TRABD2A: variants seen among roughly 807,000 people sequenced by gnomAD.
The protein encoded by TRABD2A is metalloprotease TIKI1.
In TRABD2A, 43 loss-of-function variants were observed where a neutral mutation model predicts 45.6. That is an observed-to-expected ratio of 0.94 (90% CI 0.74 to 1.22). The LOEUF (loss-of-function observed/expected upper bound fraction) is 1.22, where lower values mean the gene tolerates loss of function less well. Ranked by LOEUF, TRABD2A falls within the 50% of genes most tolerant of loss-of-function variation. TRABD2A has a pLI of 0.00. For synonymous variants in TRABD2A, 269 were observed against 265.0 expected, an observed-to-expected ratio of 1.02 and a Z score of -0.15; for missense variants, 642 against 652.4, an observed-to-expected ratio of 0.98 and a Z score of 0.17.
At chr2:84,841,752 G>T in intron 3 of TRABD2A, 109 bp downstream of exon 3, 1 of 1,189,550 alleles carries the variant, frequency 8.4e-7, no homozygotes, top group Non-Finnish European at 1.1e-6. Flanking sequence ...TATTTCTAGA[G>T]CCCTCATGAC....
intron 2 of TRABD2A, among the ~76,000 whole-genome samples, chr2:84,863,605 T>G (rs1184484169): frequency 1.0e-5 from 1 of 98,964 alleles, no homozygotes; most frequent in South Asian, 3.3e-4. Context: ...TTCTTTTTTT[T>G]TTTTTTTTTT....
intron 1 of TRABD2A, among the ~76,000 whole-genome samples, chr2:84,875,312 C>G (rs2105413947): frequency 6.6e-6 from 1 of 152,322 alleles, no homozygotes; most frequent in Non-Finnish European, 1.5e-5. Context: ...AGAGCATTCC[C>G]TCCAGGAGGC....
At chr2:84,834,126 G>A (rs1464560869) in intron 4 of TRABD2A, 5 of 152,220 alleles carry the variant, frequency 3.3e-5, no homozygotes, top group Non-Finnish European at 7.3e-5. Flanking sequence ...GTGGTGCATT[G>A]GGACACCACC....
rs553738563 is a variant in TRABD2A at position 84,866,793 on chromosome 2, C to T, written c.669+3432G>A. On this transcript the variant is annotated intron_variant, in intron 2 of 6. Transcript: ENST00000409520. ...GAGAAGTTAAGTGATGGTTGAAAGT[C>T]ATACACTGAGGCCAGGTGTGGCGGC... Among the ~76,000 whole-genome samples the T allele has an allele frequency of 4.6e-4, 70 of 151,776 alleles. 2 individuals carry two copies. In the South Asian group the frequency reaches 0.014, roughly 29 times the overall value.
intron 1 of TRABD2A, among the ~76,000 whole-genome samples, chr2:84,879,182 CTTT>C (rs34005884): frequency 0.11 from 15,701 of 136,918 alleles, 906 homozygotes; most frequent in African/African-American, 0.16. Context: ...GTTTTCAATA[CTTT>C]TTTTTTTTTT....
intron 2 of TRABD2A, among the ~76,000 whole-genome samples, chr2:84,869,732 C>A (rs1476550642): frequency 6.6e-6 from 1 of 152,132 alleles, no homozygotes; most frequent in Non-Finnish European, 1.5e-5. Context: ...GTAATCCCAG[C>A]ACTTTGGGAG....
intron 2 of TRABD2A, among the ~76,000 whole-genome samples, chr2:84,850,032 T>C (rs990741609): frequency 1.3e-5 from 2 of 152,192 alleles, no homozygotes; most frequent in Non-Finnish European, 2.9e-5. Context: ...CCAAGTCCAG[T>C]TGGTGGAATG....
At chr2:84,869,045 T>C (rs1409389752) in intron 2 of TRABD2A, among the ~76,000 whole-genome samples, 2 of 152,230 alleles carry the variant, frequency 1.3e-5, no homozygotes, top group African/African-American at 4.8e-5. Context: ...TAGAATAGCA[T>C]CGGATTACTT....
intron 2 of TRABD2A, chr2:84,850,904 G>A (rs1682064714): frequency 6.6e-6 from 1 of 152,290 alleles, no homozygotes; most frequent in African/African-American, 2.4e-5. Flanking sequence ...CACAGGCTGT[G>A]AAAAGCCTGC....
chr2:84,874,657 G>A, intron 1 of TRABD2A: 1 of 158,368 alleles, frequency 6.3e-6, no homozygotes. Flanking sequence ...TACCTGAGTT[G>A]CACCGGGAGT....
chr2:84,835,665 C>T (rs1406455598), intron 4 of TRABD2A, among the ~76,000 whole-genome samples: 1 of 152,196 alleles, frequency 6.6e-6, no homozygotes, highest in African/African-American at 2.4e-5. Context: ...GATCCTCCTG[C>T]CATGGCCTCC....
chr2:84,870,800 G>C lies in TRABD2A; in HGVS notation c.109-15C>G. ...AGCTCGCTTTGCTGAAAAGAAAAGAGGTAACATCAAGGTATAATATGGGGG... is the reference window on the plus strand; with the variant it reads ...AGCTCGCTTTGCTGAAAAGAAAAGACGTAACATCAAGGTATAATATGGGGG... On this transcript the variant is annotated splice_polypyrimidine_tract_variant and intron_variant, in intron 1 of 6. Coordinates refer to ENST00000409520, the MANE Select transcript of TRABD2A (RefSeq NM_001277053.2). 6.4e-7 allele frequency: 1 copy of C among 1,552,772 alleles called. No homozygotes were observed. Among genetic ancestry groups the C allele is most frequent in the Non-Finnish European group, 8.7e-7 (1 of 1,147,880 alleles).
At chr2:84,841,753 C>T (rs944679883) in intron 3 of TRABD2A, 108 bp downstream of exon 3, 6 of 1,195,426 alleles carry the variant, frequency 5.0e-6, no homozygotes, top group Non-Finnish European at 6.6e-6. Context: ...ATTTCTAGAG[C>T]CCTCATGACC....
Position 84,875,407 on chromosome 2 carries a change from T to G in TRABD2A, c.109-4622A>C, listed in dbSNP as rs558477105. Among the ~76,000 whole-genome samples the G allele has an allele frequency of 1.1e-4, 17 of 152,164 alleles. No individual in the cohort carries two copies. The South Asian group carries it at 2.7e-3, about 24-fold the overall frequency. ...AGGAGGCCAGCACGACAGAGAGGGA[T>G]AGCTGAACAGAAAAGCAGGAGGCAG... is the stretch of plus-strand genomic sequence containing the variant. On this transcript the variant is annotated intron_variant, in intron 1 of 6. Transcript: ENST00000409520.
chr2:84,864,925 T>G (rs945557921), intron 2 of TRABD2A, among the ~76,000 whole-genome samples: 1 of 152,174 alleles, frequency 6.6e-6, no homozygotes, highest in Non-Finnish European at 1.5e-5. Context: ...AGCATCCACC[T>G]AGCCCTTAAT....
intron 1 of TRABD2A, chr2:84,879,445 T>C (rs1452131746): frequency 3.6e-6 from 1 of 280,308 alleles, no homozygotes; most frequent in African/African-American, 2.3e-5. Flanking sequence ...CCTCCCAAAG[T>C]GCTGGGATTA....
chr2:84,880,898 A>C (rs1573963027), intron 1 of TRABD2A, 34 bp downstream of exon 1: 1 of 1,561,360 alleles, frequency 6.4e-7, no homozygotes, highest in African/African-American at 1.4e-5. Flanking sequence ...AGGTGCAGAG[A>C]GGCCGGCTCT....
At chr2:84,852,061 G>A (rs755469478) in intron 2 of TRABD2A, among the ~76,000 whole-genome samples, 3 of 152,180 alleles carry the variant, frequency 2.0e-5, no homozygotes, top group Non-Finnish European at 2.9e-5. Flanking sequence ...GAGGCTCCAC[G>A]TGGTCCCTGA....
At chr2:84,847,874 T>A (rs1011015622) in intron 2 of TRABD2A, among the ~76,000 whole-genome samples, 5 of 152,188 alleles carry the variant, frequency 3.3e-5, no homozygotes, top group African/African-American at 4.8e-5. Context: ...TCTGAAGAAG[T>A]TGGGAAAGCA....
Sources: allele counts gnomAD v4.1 joint callset (sites outside exome capture counted in the v4.1 genomes callset), GRCh38; gene constraint gnomAD v4.1.1; transcripts MANE v1.5; gene names NCBI Gene and HGNC (gene_info 2026-07-23, HGNC 2026-07-21).